FHIT: variants seen among roughly 807,000 people sequenced by gnomAD.
The protein encoded by FHIT is fragile histidine triad diadenosine triphosphatase, also known as bis(5'-adenosyl)-triphosphatase.
In FHIT, 19 loss-of-function variants were observed where a neutral mutation model predicts 17.9. The ratio of observed to expected loss-of-function variants is 1.06; its 90% CI spans 0.74 to 1.56. The LOEUF is 1.56. Among genes scored for constraint, FHIT ranks in the 40% most tolerant of loss-of-function variants. The probability of loss-of-function intolerance (pLI) is 0.00; values close to 1 mark genes in which losing one functional copy is unlikely to be tolerated. For missense variants in FHIT, 248 were observed against 189.2 expected, an observed-to-expected ratio of 1.31 and a Z score of -1.82; for synonymous variants, 81 against 69.7, an observed-to-expected ratio of 1.16 and a Z score of -0.81.
chr3:60,180,327 A>G (rs1179034698), intron 5 of FHIT, among the ~76,000 whole-genome samples: 1 of 152,222 alleles, frequency 6.6e-6, no homozygotes, highest in Non-Finnish European at 1.5e-5. Context: ...AAGGAGAAAG[A>G]GAAAAACTTC....
chr3:60,487,353 G>A (rs2033886961), intron 5 of FHIT, among the ~76,000 whole-genome samples: 1 of 152,160 alleles, frequency 6.6e-6, no homozygotes, highest in South Asian at 2.1e-4. Context: ...TCCTGCAGTT[G>A]CACAATTATC....
At chr3:60,560,025 C>A (rs1401603732) in intron 4 of FHIT, among the ~76,000 whole-genome samples, 2 of 151,942 alleles carry the variant, frequency 1.3e-5, no homozygotes, top group East Asian at 3.9e-4. Context: ...CAGCTCCCAA[C>A]AGCTTCAGAT....
chr3:60,439,505 T>G (rs1336858461), intron 5 of FHIT, among the ~76,000 whole-genome samples: 1 of 152,052 alleles, frequency 6.6e-6, no homozygotes, highest in Admixed American at 6.6e-5. Flanking sequence ...ACCCTGCTTT[T>G]AGTTTTGGGT....
At chr3:59,890,843 A>G (rs188734375) in intron 8 of FHIT, among the ~76,000 whole-genome samples, 59 of 152,328 alleles carry the variant, frequency 3.9e-4, no homozygotes, top group Non-Finnish European at 7.2e-4. Flanking sequence ...TGCTTAGCTG[A>G]GCATTTTTCA....
intron 5 of FHIT, among the ~76,000 whole-genome samples, chr3:60,057,820 T>G (rs539404016): frequency 6.6e-6 from 1 of 152,138 alleles, no homozygotes; most frequent in Non-Finnish European, 1.5e-5. Flanking sequence ...TCTTATACAT[T>G]ATTACATTTC....
intron 1 of FHIT, among the ~76,000 whole-genome samples, chr3:61,210,892 G>A (rs993090301): frequency 4.0e-5 from 6 of 151,822 alleles, no homozygotes; most frequent in African/African-American, 1.5e-4. Flanking sequence ...CATCTTCTGT[G>A]TCGCTCACAC....
chr3:61,121,249 C>A (rs1462823611), intron 2 of FHIT, among the ~76,000 whole-genome samples: 1 of 152,054 alleles, frequency 6.6e-6, no homozygotes, highest in Non-Finnish European at 1.5e-5. Context: ...GAGAACGCCA[C>A]AAATATATTC....
intron 5 of FHIT, among the ~76,000 whole-genome samples, chr3:60,480,314 G>A (rs958304850): frequency 6.6e-6 from 1 of 152,112 alleles, no homozygotes; most frequent in African/African-American, 2.4e-5. Flanking sequence ...CAATTCAAGA[G>A]GAGATTTGAA....
chr3:60,224,778 T>G (rs1326262790), intron 5 of FHIT, among the ~76,000 whole-genome samples: 2 of 151,892 alleles, frequency 1.3e-5, no homozygotes, highest in Admixed American at 6.6e-5. Flanking sequence ...CAAGCTGGAG[T>G]GCAGTGTGTG....
intron 2 of FHIT, among the ~76,000 whole-genome samples, chr3:61,141,694 G>A (rs2037086159): frequency 6.6e-6 from 1 of 151,514 alleles, no homozygotes; most frequent in African/African-American, 2.4e-5. Context: ...AATGTTCTCT[G>A]CTTTGTGTTT....
chr3:60,613,639 ACTTC>A (rs2038852924), intron 4 of FHIT, among the ~76,000 whole-genome samples: 1 of 150,866 alleles, frequency 6.6e-6, no homozygotes, highest in Non-Finnish European at 1.5e-5. Flanking sequence ...TTCTCTCCCT[ACTTC>A]CTTTTCTTTA....
chr3:60,240,696 T>C (rs1412899648), intron 5 of FHIT, among the ~76,000 whole-genome samples: 5 of 152,120 alleles, frequency 3.3e-5, no homozygotes, highest in African/African-American at 4.8e-5. Flanking sequence ...TCTGCAATAA[T>C]TGAGATGGAA....
chr3:60,608,281 T>G (rs1433853962), intron 4 of FHIT, among the ~76,000 whole-genome samples: 1 of 152,160 alleles, frequency 6.6e-6, no homozygotes, highest in Non-Finnish European at 1.5e-5. Flanking sequence ...AGCCAATTAT[T>G]CTAGACCAGA....
chr3:60,752,592 C>A (rs762236427), intron 4 of FHIT, among the ~76,000 whole-genome samples: 1 of 152,156 alleles, frequency 6.6e-6, no homozygotes, highest in African/African-American at 2.4e-5. Flanking sequence ...CAATTCGAAC[C>A]CACAACCCTG....
intron 1 of FHIT, among the ~76,000 whole-genome samples, chr3:61,229,655 G>C (rs1295340421): frequency 6.6e-6 from 1 of 152,164 alleles, no homozygotes; most frequent in Non-Finnish European, 1.5e-5. Context: ...AGAGATTAAG[G>C]AGGTATGTCA....
chr3:60,184,227 T>C (rs900357425), intron 5 of FHIT, among the ~76,000 whole-genome samples: 1 of 152,246 alleles, frequency 6.6e-6, no homozygotes, highest in East Asian at 1.9e-4. Flanking sequence ...TGAGCTACCA[T>C]GCCTGGCCTC....
At chr3:60,672,906 T>C (rs975473662) in intron 4 of FHIT, among the ~76,000 whole-genome samples, 2 of 151,462 alleles carry the variant, frequency 1.3e-5, no homozygotes, top group South Asian at 4.2e-4. Context: ...TGTGTGTGTG[T>C]GCATGCATGC....
intron 4 of FHIT, among the ~76,000 whole-genome samples, chr3:60,658,327 G>C (rs1553690190): frequency 6.6e-6 from 1 of 151,978 alleles, no homozygotes; most frequent in Admixed American, 6.6e-5. Context: ...TTTTGCTATT[G>C]ATTTTCTACA....
chr3:60,824,112 C>G lies in FHIT; in HGVS notation c.-110-2101G>C, dbSNP rs1702033316. The stretch of plus-strand genomic sequence containing the variant: ...TTGCCTACTTCTGAGCAGAGGTGAA[C>G]CAAGATCTGACTTACATTTTAATAA... On this transcript the variant is annotated intron_variant, in intron 3 of 9. Coordinates refer to ENST00000492590, the MANE Select transcript of FHIT (RefSeq NM_002012.4). Among the ~76,000 whole-genome samples, 2 of 152,118 alleles carry G rather than the reference C, an allele frequency of 1.3e-5. 1 individual carries two copies. Among genetic ancestry groups the G allele is most frequent in the Non-Finnish European group, 2.9e-5 (2 of 68,022 alleles).
Sources: gnomAD v4.1 joint callset for allele counts (sites outside exome capture counted in the v4.1 genomes callset) on GRCh38, gnomAD v4.1.1 for gene constraint, MANE v1.5 for transcripts, NCBI Gene and HGNC (gene_info 2026-07-23, HGNC 2026-07-21) for gene names.